CACNA2D3: variants seen among roughly 807,000 people sequenced by gnomAD.
CACNA2D3 encodes the protein voltage-dependent calcium channel subunit alpha-2/delta-3.
Under a neutral mutation model 160.6 loss-of-function variants are expected in CACNA2D3, and 60 were observed. The ratio of observed to expected loss-of-function variants is 0.37; its 90% CI spans 0.30 to 0.46. The LOEUF (loss-of-function observed/expected upper bound fraction) is 0.46. Ranked by LOEUF, CACNA2D3 falls within the 20% of genes least tolerant of loss-of-function variation. The pLI, the probability that CACNA2D3 is intolerant of heterozygous loss-of-function variation, is 1.00. For synonymous variants in CACNA2D3, 558 were observed against 492.9 expected, an observed-to-expected ratio of 1.13 and a Z score of -1.75; for missense variants, 1,205 against 1,365.0, an observed-to-expected ratio of 0.88 and a Z score of 1.85.
chr3:54,277,044 G>A (rs1702759725), intron 2 of CACNA2D3, among the ~76,000 whole-genome samples: 2 of 152,210 alleles, frequency 1.3e-5, no homozygotes, highest in African/African-American at 4.8e-5. Flanking sequence ...ACTGGGCCCT[G>A]GTCCATGGCA....
At chr3:54,381,327 A>C (rs1345594414) in intron 3 of CACNA2D3, among the ~76,000 whole-genome samples, 1 of 151,936 alleles carries the variant, frequency 6.6e-6, no homozygotes, top group Non-Finnish European at 1.5e-5. Context: ...AATTTTCTTT[A>C]TTTGTACACA....
rs554356846 is a variant in CACNA2D3 at position 54,744,086 on chromosome 3, G to A, written c.1168-8513G>A. ...CCACAGTGATGCCTATTCTGTCTCA[G>A]GGCTCCTGATTTCTCCACAATGTCC... On this transcript the variant is annotated intron_variant, in intron 11 of 37. Coordinates refer to ENST00000474759, the MANE Select transcript of CACNA2D3 (RefSeq NM_018398.3). Among the ~76,000 whole-genome samples the A allele has an allele frequency of 1.5e-4, 23 of 152,246 alleles. No individual in the cohort carries two copies. In the East Asian group the frequency reaches 4.4e-3, roughly 29 times the overall value.
At chr3:54,238,689 G>A (rs1701925265) in intron 2 of CACNA2D3, among the ~76,000 whole-genome samples, 1 of 152,142 alleles carries the variant, frequency 6.6e-6, no homozygotes, top group South Asian at 2.1e-4. Context: ...TCCAATTTAA[G>A]TCTAAATAAT....
chr3:54,295,900 A>G (rs1703332157), intron 2 of CACNA2D3, among the ~76,000 whole-genome samples: 1 of 152,184 alleles, frequency 6.6e-6, no homozygotes, highest in Non-Finnish European at 1.5e-5. Flanking sequence ...CCTTTGGCTT[A>G]GTGATTTTGG....
At chr3:54,507,287 C>G (rs1701386438) in intron 5 of CACNA2D3, among the ~76,000 whole-genome samples, 1 of 152,056 alleles carries the variant, frequency 6.6e-6, no homozygotes, top group Non-Finnish European at 1.5e-5. Flanking sequence ...GTCCTAATGC[C>G]TATTCTTAGA....
At chr3:54,204,941 G>GA (rs1407843977) in intron 2 of CACNA2D3, among the ~76,000 whole-genome samples, 1 of 151,410 alleles carries the variant, frequency 6.6e-6, no homozygotes, top group East Asian at 1.9e-4. Context: ...AAGTTTTTTA[G>GA]AAAAAAACAT....
At chr3:54,243,524 A>G (rs1003046940) in intron 2 of CACNA2D3, among the ~76,000 whole-genome samples, 5 of 152,234 alleles carry the variant, frequency 3.3e-5, no homozygotes, top group African/African-American at 1.2e-4. Flanking sequence ...ACTTTGCAGC[A>G]CAAATGATAG....
At chr3:54,831,963 C>G (rs1423963379) in intron 14 of CACNA2D3, among the ~76,000 whole-genome samples, 8 of 150,976 alleles carry the variant, frequency 5.3e-5, no homozygotes, top group East Asian at 1.9e-4. Context: ...CCCTCCCGCC[C>G]TTTCCCTCTT....
intron 4 of CACNA2D3, among the ~76,000 whole-genome samples, chr3:54,390,384 GA>G (rs1699258744): frequency 6.6e-6 from 1 of 152,170 alleles, no homozygotes; most frequent in Non-Finnish European, 1.5e-5. Flanking sequence ...TTGAAAAAAT[GA>G]GGCACCAAGA....
intron 13 of CACNA2D3, among the ~76,000 whole-genome samples, chr3:54,798,314 C>T (rs1702911008): frequency 1.3e-5 from 2 of 151,930 alleles, no homozygotes; most frequent in Admixed American, 6.6e-5. Context: ...GCAGGTGGAT[C>T]GCGAGGTTGG....
At chr3:54,493,299 A>G (rs957322062) in intron 4 of CACNA2D3, among the ~76,000 whole-genome samples, 2 of 151,848 alleles carry the variant, frequency 1.3e-5, no homozygotes, top group East Asian at 3.9e-4. Flanking sequence ...CTGGTCTCGA[A>G]CTCTTGAGCT....
At chr3:55,068,166 T>G (rs556927358) in intron 35 of CACNA2D3, among the ~76,000 whole-genome samples, 1 of 152,314 alleles carries the variant, frequency 6.6e-6, no homozygotes, top group Admixed American at 6.5e-5. Flanking sequence ...CACACTTGCC[T>G]TATTGGAGAG....
chr3:54,387,141 C>G (rs1004942955), intron 4 of CACNA2D3, among the ~76,000 whole-genome samples: 16 of 152,208 alleles, frequency 1.1e-4, no homozygotes, highest in Admixed American at 1.0e-3. Context: ...ATGCAAGTGA[C>G]TGAAAGCAAT....
Position 54,899,928 on chromosome 3 carries a change from G to A in CACNA2D3, c.2449+60G>A, listed in dbSNP as rs138569523. On this transcript the variant is annotated intron_variant, in intron 27 of 37. Coordinates refer to ENST00000474759, the MANE Select transcript of CACNA2D3 (RefSeq NM_018398.3). ...AGCATGGCGCCCATTCATCCGGCCA[G>A]TGGGCTACTTCTGTGAGGCACGCTT... is the stretch of plus-strand genomic sequence containing the variant. 9 of 1,235,628 alleles carry A rather than the reference G, an allele frequency of 7.3e-6. No homozygotes were observed. In the East Asian group the frequency reaches 2.2e-4, roughly 31 times the overall value. The allele number at this position is 1,235,628 out of a possible 1,614,324, so 76.5% of individuals were successfully genotyped here. A position where few individuals can be genotyped will look rare whatever the true frequency, so the allele number is the denominator to read the frequency against.
intron 13 of CACNA2D3, among the ~76,000 whole-genome samples, chr3:54,807,033 C>T (rs1006762004): frequency 1.3e-5 from 2 of 152,184 alleles, no homozygotes; most frequent in Non-Finnish European, 2.9e-5. Flanking sequence ...CCCTTCCTTA[C>T]ATCTTATACA....
chr3:55,073,125 A>G (rs1406307877), intron 35 of CACNA2D3, among the ~76,000 whole-genome samples: 1 of 152,134 alleles, frequency 6.6e-6, no homozygotes, highest in Non-Finnish European at 1.5e-5. Flanking sequence ...TTAGGCTTTG[A>G]AAGTCTGACC....
At chr3:54,547,314 C>T (rs763025843) in intron 5 of CACNA2D3, among the ~76,000 whole-genome samples, 1 of 152,128 alleles carries the variant, frequency 6.6e-6, no homozygotes, top group Non-Finnish European at 1.5e-5. Flanking sequence ...TGAAATTGGG[C>T]ATGTACTTAC....
chr3:54,636,804 A>G (rs1442125788), intron 10 of CACNA2D3, among the ~76,000 whole-genome samples: 1 of 152,010 alleles, frequency 6.6e-6, no homozygotes, highest in Admixed American at 6.5e-5. Context: ...TAGGTAACAG[A>G]TGAGGATGAA....
At chr3:54,350,986 G>GTTTTTTTTTTTTTTTTTTTTTTTTTTTT (rs796392854) in intron 3 of CACNA2D3, among the ~76,000 whole-genome samples, 3 of 65,952 alleles carry the variant, frequency 4.5e-5, no homozygotes, top group Non-Finnish European at 9.0e-5. Flanking sequence ...TTTTTTGTTT[G>GTTTTTTTTTTTTTTTTTTTTTTTTTTTT]TTTTTTTTTT....
Sources: gnomAD v4.1 joint callset for allele counts (sites outside exome capture counted in the v4.1 genomes callset) on GRCh38, gnomAD v4.1.1 for gene constraint, MANE v1.5 for transcripts, NCBI Gene and HGNC (gene_info 2026-07-23, HGNC 2026-07-21) for gene names.